The following NEMP2 variants were observed in gnomAD, a reference collection of about 807,000 sequenced individuals.
The protein encoded by NEMP2 is UPF0571 transmembrane protein.
In NEMP2, 53 loss-of-function variants were observed where a neutral mutation model predicts 54.2. That is an observed-to-expected ratio of 0.98 (90% confidence interval 0.78 to 1.23). The LOEUF (loss-of-function observed/expected upper bound fraction) is 1.23. Among genes scored for constraint, NEMP2 ranks in the 50% most tolerant of loss-of-function variants. NEMP2 has a pLI of 0.00. For missense variants in NEMP2, 455 were observed against 511.3 expected, an observed-to-expected ratio of 0.89 and a Z score of 1.06; for synonymous variants, 197 against 190.3, an observed-to-expected ratio of 1.04 and a Z score of -0.29.
the NEMP2 span, among the ~76,000 whole-genome samples, chr2:190,473,653 G>A: frequency 2.0e-5 from 3 of 152,142 alleles, no homozygotes; most frequent in African/African-American, 7.2e-5. Context: ...GTCAACATTA[G>A]ACAGATCAAC....
intron 6 of NEMP2, 92 bp downstream of exon 6, chr2:190,516,178 A>T: frequency 1.2e-6 from 1 of 813,622 alleles, no homozygotes; most frequent in Non-Finnish European, 1.9e-6. Flanking sequence ...GAAAATTTAG[A>T]TGTTGGAGAG....
chr2:190,647,222 C>A, the NEMP2 span, among the ~76,000 whole-genome samples: 1 of 152,128 alleles, frequency 6.6e-6, no homozygotes, highest in Non-Finnish European at 1.5e-5. Flanking sequence ...CTACTCCAGA[C>A]AAAACCTGTC....
the NEMP2 span, among the ~76,000 whole-genome samples, chr2:190,567,431 A>G: frequency 2.2e-4 from 33 of 152,266 alleles, no homozygotes; most frequent in African/African-American, 7.5e-4. The surrounding 1 kb of genome is among the most constrained non-coding windows in gnomAD (Gnocchi z 4.0). Context: ...CAAGTACTCA[A>G]CACAACAAAT....
the NEMP2 span, among the ~76,000 whole-genome samples, chr2:190,599,180 T>C: frequency 2.0e-5 from 3 of 152,182 alleles, no homozygotes; most frequent in South Asian, 6.2e-4. Flanking sequence ...TCTCCATCTA[T>C]AAATAGAGGA....
chr2:190,567,890 GC>G, the NEMP2 span, among the ~76,000 whole-genome samples: 1 of 152,002 alleles, frequency 6.6e-6, no homozygotes, highest in Non-Finnish European at 1.5e-5. This position sits in a 1 kb window ranked among gnomAD's most constrained non-coding sequence, Gnocchi z 4.0. Flanking sequence ...CTTGCGATTC[GC>G]CCGCCTTGGT....
the NEMP2 span, among the ~76,000 whole-genome samples, chr2:190,541,454 T>C: frequency 6.6e-6 from 1 of 152,196 alleles, no homozygotes; most frequent in Non-Finnish European, 1.5e-5. The surrounding 1 kb of genome is among the most constrained non-coding windows in gnomAD (Gnocchi z 5.2). Flanking sequence ...TTTCAAGAAA[T>C]TCTTACATTT....
chr2:190,539,162 C>T (rs1211165768), upstream of NEMP2, among the ~76,000 whole-genome samples: 1 of 152,148 alleles, frequency 6.6e-6, no homozygotes, highest in East Asian at 1.9e-4. The surrounding 1 kb of genome is among the most constrained non-coding windows in gnomAD (Gnocchi z 4.1). Flanking sequence ...CATCCTTCTG[C>T]ATATGGTTAT....
At chr2:190,440,689 T>C in the NEMP2 span, among the ~76,000 whole-genome samples, 1 of 152,246 alleles carries the variant, frequency 6.6e-6, no homozygotes, top group Non-Finnish European at 1.5e-5. Context: ...CAGAAAAATC[T>C]ATTCAATCAA....
chr2:190,458,096 TG>T, the NEMP2 span, among the ~76,000 whole-genome samples: 1 of 151,948 alleles, frequency 6.6e-6, no homozygotes, highest in African/African-American at 2.4e-5. The surrounding 1 kb of genome is among the most constrained non-coding windows in gnomAD (Gnocchi z 5.3). Context: ...AGGGAGGAAA[TG>T]GCTCTGGAAA....
chr2:190,470,029 C>T, the NEMP2 span, among the ~76,000 whole-genome samples: 2 of 152,142 alleles, frequency 1.3e-5, no homozygotes, highest in Admixed American at 1.3e-4. Context: ...TCCTTGGTTA[C>T]CTGAGTGCTG....
At chr2:190,470,939 T>A in the NEMP2 span, among the ~76,000 whole-genome samples, 1 of 152,066 alleles carries the variant, frequency 6.6e-6, no homozygotes, top group Non-Finnish European at 1.5e-5. Flanking sequence ...TTTTCTCAGA[T>A]TTGATGCAAT....
At chr2:190,499,743 A>C (rs1218540796), downstream of NEMP2, 4 of 1,324,864 alleles carry the variant, frequency 3.0e-6, no homozygotes, top group East Asian at 1.5e-4. This position sits in a 1 kb window ranked among gnomAD's most constrained non-coding sequence, Gnocchi z 6.0. Context: ...CTGTTTACCA[A>C]GTACTAACAG....
At chr2:190,465,069 T>G in the NEMP2 span, 1 of 245,456 alleles carries the variant, frequency 4.1e-6, no homozygotes, top group Non-Finnish European at 6.5e-6. The surrounding 1 kb of genome is among the most constrained non-coding windows in gnomAD (Gnocchi z 4.6). Context: ...TATTATAAGA[T>G]AACCACAAAT....
the NEMP2 span, among the ~76,000 whole-genome samples, chr2:190,492,386 G>T: frequency 6.6e-6 from 1 of 152,186 alleles, no homozygotes; most frequent in African/African-American, 2.4e-5. This position sits in a 1 kb window ranked among gnomAD's most constrained non-coding sequence, Gnocchi z 5.2. Flanking sequence ...AATCTTAAGA[G>T]CTGTGAGGCA....
the NEMP2 span, among the ~76,000 whole-genome samples, chr2:190,645,901 T>A: frequency 6.6e-6 from 1 of 152,168 alleles, no homozygotes; most frequent in Non-Finnish European, 1.5e-5. Context: ...CTTTGTCTTT[T>A]AGACTTCCTT....
chr2:190,442,873 G>A, the NEMP2 span: 1 of 152,132 alleles, frequency 6.6e-6, no homozygotes, highest in African/African-American at 2.4e-5. Context: ...TCGGGAATGT[G>A]GATAAGATCA....
At position 190,520,584 on chromosome 2, in the gene NEMP2, A is replaced by G. The variant is rs979329733; in HGVS notation, c.214-1401T>C. Among the ~76,000 whole-genome samples, 4 of 152,108 alleles carry G rather than the reference A, an allele frequency of 2.6e-5. No individual in the cohort carries two copies. Among genetic ancestry groups the G allele is most frequent in the Non-Finnish European group, 4.4e-5 (3 of 68,032 alleles). On this transcript the variant is annotated intron_variant, in intron 2 of 8. Coordinates refer to ENST00000409150, the MANE Select transcript of NEMP2 (RefSeq NM_001142645.2). This position sits in a 1 kb window ranked among gnomAD's most constrained non-coding sequence, Gnocchi z 5.4. Reference sequence around the variant, plus strand: ...TCTGGCTCACTGTGGCTCTCTCTTCAATACCACTTCCTGTCATTCTTCTTA... The same window carrying G: ...TCTGGCTCACTGTGGCTCTCTCTTCGATACCACTTCCTGTCATTCTTCTTA...
At chr2:190,622,759 A>C in the NEMP2 span, among the ~76,000 whole-genome samples, 1 of 152,184 alleles carries the variant, frequency 6.6e-6, no homozygotes, top group African/African-American at 2.4e-5. Flanking sequence ...AATTCTTAAA[A>C]GTCAAAATAA....
chr2:190,611,556 C>A, the NEMP2 span, among the ~76,000 whole-genome samples: 1 of 152,132 alleles, frequency 6.6e-6, no homozygotes, highest in African/African-American at 2.4e-5. This position sits in a 1 kb window ranked among gnomAD's most constrained non-coding sequence, Gnocchi z 5.4. Flanking sequence ...TACAGAAAAA[C>A]TGGATGATAC....
Sources: gnomAD v4.1 joint callset for allele counts (sites outside exome capture counted in the v4.1 genomes callset) on GRCh38, gnomAD v4.1.1 for gene constraint, Gnocchi (gnomAD v3.1) non-coding constraint, MANE v1.5 for transcripts, NCBI Gene and HGNC (gene_info 2026-07-23, HGNC 2026-07-21) for gene names.